Variants in KLF8 observed in about 807,000 individuals in gnomAD.
KLF8 encodes the protein Krueppel-like factor 8.
A neutral mutation model predicts 18.2 loss-of-function variants in KLF8; 10 were observed. The observed-to-expected ratio is 0.55, with a 90% confidence interval of 0.34 to 0.93. KLF8 has a LOEUF of 0.93. Ranked by LOEUF, KLF8 falls within the 40% of genes least tolerant of loss-of-function variation. The probability of loss-of-function intolerance (pLI) is 0.02; values close to 1 mark genes in which losing one functional copy is unlikely to be tolerated. For synonymous variants in KLF8, 109 were observed against 97.3 expected, an observed-to-expected ratio of 1.12 and a Z score of -0.71; for missense variants, 264 against 277.9, an observed-to-expected ratio of 0.95 and a Z score of 0.36.
At chrX:56,090,073 A>G in the KLF8 span, among the ~76,000 whole-genome samples, 1 of 111,818 alleles carries the variant, frequency 8.9e-6, no homozygotes, top group Non-Finnish European at 1.9e-5. Context: ...TTATCACCTA[A>G]TGGGGAAAAA....
the KLF8 span, among the ~76,000 whole-genome samples, chrX:55,964,653 A>G: frequency 9.0e-6 from 1 of 111,519 alleles, no homozygotes; most frequent in Admixed American, 9.5e-5. Flanking sequence ...AGATTGATAG[A>G]CTGCTAGATA....
the KLF8 span, among the ~76,000 whole-genome samples, chrX:56,221,834 G>T: frequency 3.6e-5 from 4 of 111,570 alleles, no homozygotes; most frequent in African/African-American, 9.8e-5. Context: ...GTTTGGAAGG[G>T]GACCGGAGGG....
the KLF8 span, among the ~76,000 whole-genome samples, chrX:56,086,519 C>T: frequency 9.1e-6 from 1 of 109,983 alleles, no homozygotes; most frequent in South Asian, 4.0e-4. Flanking sequence ...TTAGAGATGA[C>T]AAAGATTTGG....
At chrX:56,225,160 G>T in the KLF8 span, among the ~76,000 whole-genome samples, 1 of 110,525 alleles carries the variant, frequency 9.0e-6, no homozygotes, top group Non-Finnish European at 1.9e-5. Context: ...CAATCATATG[G>T]GTGTACTATA....
the KLF8 span, among the ~76,000 whole-genome samples, chrX:56,168,365 C>A: frequency 8.9e-6 from 1 of 111,869 alleles, no homozygotes; most frequent in Non-Finnish European, 1.9e-5. Flanking sequence ...TATCTGTGCA[C>A]TGAAAACTGT....
the KLF8 span, among the ~76,000 whole-genome samples, chrX:56,120,983 G>A: frequency 9.1e-6 from 1 of 110,474 alleles, no homozygotes; most frequent in African/African-American, 3.3e-5. Flanking sequence ...TCAGGAGATT[G>A]AGACCATCCT....
the KLF8 span, among the ~76,000 whole-genome samples, chrX:56,081,702 G>T: frequency 1.8e-5 from 2 of 111,798 alleles, no homozygotes. Flanking sequence ...GTTAGATTTT[G>T]TCAGATGTTT....
At chrX:56,126,599 C>G in the KLF8 span, among the ~76,000 whole-genome samples, 4 of 110,953 alleles carry the variant, frequency 3.6e-5, no homozygotes, top group Non-Finnish European at 7.5e-5. Context: ...CCTGCTCCCT[C>G]TCTGACCCCA....
At chrX:55,937,729 A>C in the KLF8 span, among the ~76,000 whole-genome samples, 3 of 112,781 alleles carry the variant, frequency 2.7e-5, no homozygotes, top group Non-Finnish European at 5.6e-5. Flanking sequence ...TGATGAATGC[A>C]CATGCGTCAG....
the KLF8 span, among the ~76,000 whole-genome samples, chrX:56,025,517 A>G: frequency 8.9e-6 from 1 of 112,093 alleles, no homozygotes; most frequent in Non-Finnish European, 1.9e-5. Context: ...GTACATGAAT[A>G]TGATTCATGG....
chrX:56,225,704 G>A, the KLF8 span, among the ~76,000 whole-genome samples: 1 of 112,361 alleles, frequency 8.9e-6, no homozygotes, highest in Admixed American at 9.4e-5. Context: ...AATATCCTGT[G>A]TGGTAAGTAC....
At chrX:55,938,813 A>C in the KLF8 span, among the ~76,000 whole-genome samples, 1 of 111,817 alleles carries the variant, frequency 8.9e-6, no homozygotes, top group Admixed American at 9.5e-5. Flanking sequence ...TCAATTCAAG[A>C]AGAAGACCTA....
the KLF8 span, among the ~76,000 whole-genome samples, chrX:56,186,153 T>C: frequency 8.9e-6 from 1 of 111,753 alleles, no homozygotes; most frequent in African/African-American, 3.3e-5. Flanking sequence ...GAGACACACA[T>C]AGGCTCAAAA....
At chrX:55,952,976 C>G in the KLF8 span, among the ~76,000 whole-genome samples, 1 of 111,716 alleles carries the variant, frequency 9.0e-6, no homozygotes, top group Admixed American at 9.6e-5. Context: ...CACATAACAA[C>G]TAAGTGGTGA....
At chrX:56,160,076 C>G in the KLF8 span, among the ~76,000 whole-genome samples, 45 of 111,884 alleles carry the variant, frequency 4.0e-4, no homozygotes, top group East Asian at 9.3e-3. Flanking sequence ...CCCAGAGATT[C>G]TGGTATGTTG....
At chrX:56,051,644 C>A in the KLF8 span, among the ~76,000 whole-genome samples, 3 of 110,794 alleles carry the variant, frequency 2.7e-5, no homozygotes, top group African/African-American at 1.0e-4. Flanking sequence ...ATCCGCTGTT[C>A]ATCTGATGGG....
intron 1 of KLF8, among the ~76,000 whole-genome samples, chrX:56,242,131 C>T (rs2066553525): frequency 8.9e-6 from 1 of 112,037 alleles, no homozygotes; most frequent in South Asian, 3.7e-4. Flanking sequence ...CATCTTTTTC[C>T]AGAATGAGGA....
At chrX:55,996,398 T>C in the KLF8 span, among the ~76,000 whole-genome samples, 3 of 112,347 alleles carry the variant, frequency 2.7e-5, no homozygotes, top group Non-Finnish European at 5.6e-5. Flanking sequence ...GAGCCATTGC[T>C]TAGGAGCTAG....
upstream of KLF8, among the ~76,000 whole-genome samples, chrX:56,230,314 A>G (rs930230674): frequency 1.8e-5 from 2 of 112,401 alleles, no homozygotes; most frequent in African/African-American, 6.5e-5. Context: ...ACTTTTCAGC[A>G]TTGCTCAAAA....
Sources: gnomAD v4.1 joint callset for allele counts (sites outside exome capture counted in the v4.1 genomes callset) on GRCh38, gnomAD v4.1.1 for gene constraint, MANE v1.5 for transcripts, NCBI Gene and HGNC (gene_info 2026-07-23, HGNC 2026-07-21) for gene names.